The following BMPER variants were observed in gnomAD, a reference collection of about 807,000 sequenced individuals.
BMPER encodes the protein BMP-binding endothelial regulator protein.
BMPER carries 45 observed loss-of-function variants against 87.3 expected under a neutral mutation model. The observed-to-expected ratio is 0.52, with a 90% confidence interval of 0.41 to 0.66. The LOEUF is 0.66. Among genes scored for constraint, BMPER ranks in the 30% least tolerant of loss-of-function variants. The pLI is 0.00. For missense variants in BMPER, 784 were observed against 867.5 expected, an observed-to-expected ratio of 0.90 and a Z score of 1.21; for synonymous variants, 326 against 316.2, an observed-to-expected ratio of 1.03 and a Z score of -0.33.
chr7:33,935,657 C>T (rs1485228698), intron 2 of BMPER, among the ~76,000 whole-genome samples: 1 of 151,668 alleles, frequency 6.6e-6, no homozygotes, highest in East Asian at 1.9e-4. Context: ...TCAGGTCACC[C>T]TCCCATCATA....
chr7:34,011,971 G>A (rs1446042071), intron 6 of BMPER, among the ~76,000 whole-genome samples: 1 of 151,882 alleles, frequency 6.6e-6, no homozygotes, highest in African/African-American at 2.4e-5. Context: ...ATGTCATGCA[G>A]CAGTTGGGAA....
intron 2 of BMPER, among the ~76,000 whole-genome samples, chr7:33,928,802 C>T (rs1004453460): frequency 5.3e-5 from 8 of 151,872 alleles, no homozygotes; most frequent in Middle Eastern, 3.2e-3. Flanking sequence ...TCTGCTGGCA[C>T]GTGTCATATT....
chr7:33,970,282 C>G (rs762102832), intron 4 of BMPER, 47 bp from the exon 5 acceptor site: 1 of 1,580,620 alleles, frequency 6.3e-7, no homozygotes, highest in African/African-American at 1.3e-5. Flanking sequence ...AGTAGTAACT[C>G]CGTGGGAATT....
intron 11 of BMPER, among the ~76,000 whole-genome samples, chr7:34,071,901 A>G (rs956857406): frequency 1.3e-5 from 2 of 152,198 alleles, no homozygotes; most frequent in Non-Finnish European, 2.9e-5. Flanking sequence ...CAGGGTCTCT[A>G]TGAACCTCTG....
At chr7:33,964,470 G>T (rs762818520) in intron 3 of BMPER, among the ~76,000 whole-genome samples, 1 of 152,194 alleles carries the variant, frequency 6.6e-6, no homozygotes, top group African/African-American at 2.4e-5. Context: ...TGTGACCTTC[G>T]TCCAATTTTC....
chr7:33,936,949 A>G (rs369800193), intron 2 of BMPER, among the ~76,000 whole-genome samples: 44 of 152,330 alleles, frequency 2.9e-4, no homozygotes, highest in African/African-American at 1.0e-3. Context: ...TATGGTTTAC[A>G]CAAATATTAT....
chr7:34,137,618 T>A (rs1479705809), intron 13 of BMPER, among the ~76,000 whole-genome samples: 1 of 152,192 alleles, frequency 6.6e-6, no homozygotes, highest in African/African-American at 2.4e-5. Context: ...AGTGGCTAAC[T>A]TTTTTGGGGC....
rs138563681 is a variant in BMPER at position 34,064,171 on chromosome 7, A to T, written c.1078+2124A>T. Among the ~76,000 whole-genome samples, 963 of 152,232 alleles carry T rather than the reference A, an allele frequency of 6.3e-3. 13 individuals are homozygous for T. Among genetic ancestry groups the T allele is most frequent in the African/African-American group, 0.022 (923 of 41,526 alleles). ...CTGGGCGTGGTGGTGTGTGCCTGAA[A>T]TCCCAGCTACTTGGGAGGCTGAGGC... On this transcript the variant is annotated intron_variant, in intron 11 of 14. Transcript: ENST00000649409.
rs115318481 is a variant in BMPER at position 34,055,622 on chromosome 7, A to G, written c.927+319A>G. On this transcript the variant is annotated intron_variant, in intron 9 of 14. Coordinates refer to ENST00000649409, the MANE Select transcript of BMPER (RefSeq NM_001365308.1). Reference sequence around the variant, plus strand: ...CATCTCGTTGGAGATGCTCAATGACATTTGTCAAGGTGATGATCCTTGTCA... The same window carrying G: ...CATCTCGTTGGAGATGCTCAATGACGTTTGTCAAGGTGATGATCCTTGTCA... Among the ~76,000 whole-genome samples, 1,424 of 152,294 alleles carry G rather than the reference A, an allele frequency of 9.4e-3. 24 individuals carry two copies. The highest frequency in any genetic ancestry group is 0.032 in the African/African-American group (1,348 of 41,562).
intron 11 of BMPER, among the ~76,000 whole-genome samples, chr7:34,074,554 T>C (rs1788815130): frequency 1.3e-5 from 2 of 152,234 alleles, no homozygotes; most frequent in Non-Finnish European, 1.5e-5. Flanking sequence ...AGCCCCTGCA[T>C]GACACAGTGA....
chr7:34,043,299 C>A (rs757246276), intron 6 of BMPER, among the ~76,000 whole-genome samples: 1 of 152,172 alleles, frequency 6.6e-6, no homozygotes, highest in Non-Finnish European at 1.5e-5. Flanking sequence ...CCCAGGGAAC[C>A]AGACTCTTTC....
At chr7:33,911,501 G>C (rs1783961310) in intron 2 of BMPER, among the ~76,000 whole-genome samples, 1 of 152,186 alleles carries the variant, frequency 6.6e-6, no homozygotes. Context: ...GCTCTCTATG[G>C]AGGCAGTTAT....
chr7:34,063,931 G>A (rs919711783), intron 11 of BMPER, among the ~76,000 whole-genome samples: 1 of 152,216 alleles, frequency 6.6e-6, no homozygotes, highest in Non-Finnish European at 1.5e-5. Flanking sequence ...CATGAGCACA[G>A]ACTCATTACC....
At position 33,984,885 on chromosome 7, in the gene BMPER, T is replaced by C. The variant is rs1049681975; in HGVS notation, c.576+10101T>C. Among the ~76,000 whole-genome samples the C allele has an allele frequency of 2.6e-5, 4 of 152,206 alleles. 1 individual carries two copies. The highest frequency in any genetic ancestry group is 4.1e-4 in the South Asian group (2 of 4,834). ...TCCCCTAAAAATCCTAGAACAGATA[T>C]GGATTTTACTAAATGCTGAAGACTT... On this transcript the variant is annotated intron_variant, in intron 6 of 14. Transcript: ENST00000649409.
chr7:34,117,837 G>T (rs17169654), intron 13 of BMPER, among the ~76,000 whole-genome samples: 2 of 152,126 alleles, frequency 1.3e-5, no homozygotes, highest in Non-Finnish European at 2.9e-5. Context: ...TGTAATAAGC[G>T]CAGGCCATCC....
intron 4 of BMPER, among the ~76,000 whole-genome samples, chr7:33,969,544 C>T (rs964964959): frequency 5.9e-5 from 9 of 152,126 alleles, no homozygotes; most frequent in Admixed American, 3.9e-4. Flanking sequence ...GGACTACAGG[C>T]GCCTGCCACC....
chr7:33,987,680 T>C (rs1298374552), intron 6 of BMPER, among the ~76,000 whole-genome samples: 2 of 152,154 alleles, frequency 1.3e-5, no homozygotes, highest in African/African-American at 4.8e-5. Flanking sequence ...TACTACTTTT[T>C]TTTTTTCCTC....
intron 3 of BMPER, among the ~76,000 whole-genome samples, chr7:33,942,311 G>A (rs6979878): frequency 0.012 from 1,768 of 152,302 alleles, 27 homozygotes; most frequent in African/African-American, 0.04. Flanking sequence ...AACAGCAGCA[G>A]GTAGTACTCC....
chr7:34,113,626 AT>A (rs1790038459), intron 13 of BMPER, among the ~76,000 whole-genome samples: 1 of 26,480 alleles, frequency 3.8e-5, no homozygotes, highest in Non-Finnish European at 8.8e-5. Flanking sequence ...GGGCTTAATA[AT>A]AATAAGTTTA....
Sources: gnomAD v4.1 joint callset for allele counts (sites outside exome capture counted in the v4.1 genomes callset) on GRCh38, gnomAD v4.1.1 for gene constraint, MANE v1.5 for transcripts, NCBI Gene and HGNC (gene_info 2026-07-23, HGNC 2026-07-21) for gene names.